RPS3: variants seen among roughly 807,000 people sequenced by gnomAD.
The protein encoded by RPS3 is small ribosomal subunit protein uS3.
RPS3 carries 2 observed loss-of-function variants against 25.8 expected under a neutral mutation model. That is an observed-to-expected ratio of 0.08 (90% CI 0.03 to 0.24). The LOEUF is 0.24. RPS3 is among the 10% of genes least tolerant of loss of function. The pLI is 1.00. For missense variants in RPS3, 107 were observed against 307.1 expected, an observed-to-expected ratio of 0.35 and a Z score of 4.87; for synonymous variants, 114 against 114.2, an observed-to-expected ratio of 1.00 and a Z score of 0.01.
chr11:75,416,462 T>TC (rs1445973633), intron 6 of RPS3, among the ~76,000 whole-genome samples: 2 of 145,978 alleles, frequency 1.4e-5, no homozygotes, highest in African/African-American at 5.0e-5. Flanking sequence ...TTATTTCTAT[T>TC]TTTTTTTTTT....
rs11236426 is a variant in RPS3, at chr11:75,422,215, C to T, written c.*492C>T. The T allele has an allele frequency of 1.2e-3, 209 of 180,932 alleles. 1 individual carries two copies. Among genetic ancestry groups the T allele is most frequent in the African/African-American group, 4.7e-3 (198 of 42,556 alleles). The allele number at this position is 180,932 out of a possible 1,614,324, so 11.2% of individuals were successfully genotyped here. On this transcript the variant is annotated 3_prime_UTR_variant, in exon 7 of 7. Transcript: ENST00000527446. Reference sequence around the variant, plus strand: ...AAACATTATTTAGGAAGCAGAGAGCCCTCATCAAACACCAGATCTGCTGGC... The same window carrying T: ...AAACATTATTTAGGAAGCAGAGAGCTCTCATCAAACACCAGATCTGCTGGC...
intron 6 of RPS3, among the ~76,000 whole-genome samples, chr11:75,416,939 TTC>T (rs1948404464): frequency 6.6e-6 from 1 of 152,200 alleles, no homozygotes; most frequent in African/African-American, 2.4e-5. Context: ...AACCAAACCA[TTC>T]TCTTTTTTTC....
intron 6 of RPS3, among the ~76,000 whole-genome samples, chr11:75,421,103 GCTAA>G (rs1565169739): frequency 6.6e-6 from 1 of 152,208 alleles, no homozygotes; most frequent in Non-Finnish European, 1.5e-5. Flanking sequence ...GCGCAGGCAG[GCTAA>G]CTGTCCCCAC....
At chr11:75,419,677 AGGTT>A (rs1948427198) in intron 6 of RPS3, among the ~76,000 whole-genome samples, 1 of 151,870 alleles carries the variant, frequency 6.6e-6, no homozygotes, top group Non-Finnish European at 1.5e-5. Flanking sequence ...TCTCTAGCCC[AGGTT>A]GGAGTATAGT....
At chr11:75,401,902 G>T in intron 3 of RPS3, 169 bp downstream of exon 3, 1 of 593,884 alleles carries the variant, frequency 1.7e-6, no homozygotes, top group Non-Finnish European at 3.0e-6. Flanking sequence ...TCTGCTAATG[G>T]CTGATGGTTA....
intron 1 of RPS3, 64 bp from the exon 2 acceptor site, chr11:75,400,630 T>C: frequency 6.3e-7 from 1 of 1,593,994 alleles, no homozygotes; most frequent in Non-Finnish European, 8.6e-7. Flanking sequence ...AAGACTAGAC[T>C]GGCTCAGGCG....
At chr11:75,416,804 G>A (rs1372435352) in intron 6 of RPS3, among the ~76,000 whole-genome samples, 1 of 152,180 alleles carries the variant, frequency 6.6e-6, no homozygotes, top group African/African-American at 2.4e-5. Flanking sequence ...GTATTTCAAA[G>A]TAGGGCCTGC....
rs1948252690 is a variant in RPS3 at position 75,404,358 on chromosome 11, C to A, written c.538+151C>A. On this transcript the variant is annotated intron_variant, in intron 5 of 6. Coordinates refer to ENST00000531188, the MANE Select transcript of RPS3 (RefSeq NM_001005.5). This position sits in a 1 kb window ranked among gnomAD's most constrained non-coding sequence, Gnocchi z 4.6. ...GATTGCCACGTTGATCTGTAAGAAT[C>A]GATTTGCTGAGATCTGTCAGATCCA... 1.2e-6 allele frequency: 1 copy of A among 839,306 alleles called. No homozygotes were observed. The highest frequency in any genetic ancestry group is 2.0e-6 in the Non-Finnish European group (1 of 495,028). The allele number at this position is 839,306 out of a possible 1,614,324, so 52.0% of individuals were successfully genotyped here. A position where few individuals can be genotyped will look rare whatever the true frequency, so the allele number is the denominator to read the frequency against.
rs754678312 is a variant in RPS3, at chr11:75,401,640, A to G, written c.162A>G (p.Arg54=). 1.3e-5 allele frequency: 21 copies of G among 1,604,356 alleles called. No individual in the cohort carries two copies. In the East Asian group the frequency reaches 3.3e-4, roughly 26 times the overall value. ...TTGAATTGTCACTTTTCCCCCCCAG[A>G]ACACAGAATGTTCTTGGTGAGAAGG... ...TRTEIIILAT[R]TQNVLGEKGR... The change falls in exon 3 of 7, where the codon AGA becomes AGG. Residue 54 remains arginine, a splice_region_variant and synonymous_variant. Coordinates refer to ENST00000531188, the MANE Select transcript of RPS3 (RefSeq NM_001005.5).
chr11:75,410,427 G>T (rs1948341433), downstream of RPS3, among the ~76,000 whole-genome samples: 4 of 151,832 alleles, frequency 2.6e-5, no homozygotes, highest in South Asian at 8.3e-4. Context: ...TTCCTAGATG[G>T]GATGGCGGCG....
intron 6 of RPS3, among the ~76,000 whole-genome samples, chr11:75,414,513 AG>A (rs1948381355): frequency 6.6e-6 from 1 of 152,134 alleles, no homozygotes; most frequent in Non-Finnish European, 1.5e-5. Flanking sequence ...AGGGAGGCTG[AG>A]GCAGGAGAAT....
intron 6 of RPS3, 50 bp from the exon 7 acceptor site, chr11:75,405,564 C>T: frequency 2.2e-6 from 1 of 453,302 alleles, no homozygotes; most frequent in South Asian, 1.6e-5. Context: ...AAATCAGGAA[C>T]TTAATAACTC....
chr11:75,419,624 TTTG>T (rs927125266), intron 6 of RPS3, among the ~76,000 whole-genome samples: 1 of 151,386 alleles, frequency 6.6e-6, no homozygotes, highest in Non-Finnish European at 1.5e-5. Flanking sequence ...TTCATTTTAT[TTTG>T]TTTTTATTTT....
At chr11:75,415,060 C>T (rs553154445) in intron 6 of RPS3, among the ~76,000 whole-genome samples, 1 of 152,316 alleles carries the variant, frequency 6.6e-6, no homozygotes, top group African/African-American at 2.4e-5. Context: ...GTCAGCCATG[C>T]TCCTCACTCT....
intron 6 of RPS3, 162 bp downstream of exon 6, chr11:75,405,030 C>G: frequency 1.9e-6 from 1 of 517,702 alleles, no homozygotes; most frequent in Non-Finnish European, 3.4e-6. Flanking sequence ...GTCTATTTAA[C>G]CCTTGGTTCC....
chr11:75,418,874 C>T (rs938013571), intron 6 of RPS3, among the ~76,000 whole-genome samples: 2 of 152,210 alleles, frequency 1.3e-5, no homozygotes, highest in Non-Finnish European at 2.9e-5. Context: ...ATGCATCCCA[C>T]CCTCACTGGC....
At position 75,406,621 on chromosome 11, in the gene RPS3, C is replaced by T. The variant is rs1224526675; in HGVS notation, c.*1011C>T. 4 of 152,140 alleles carry T rather than the reference C, an allele frequency of 2.6e-5. No individual in the cohort carries two copies. The highest frequency in any genetic ancestry group is 9.7e-5 in the African/African-American group (4 of 41,402). The allele number at this position is 152,140 out of a possible 1,614,324, so 9.4% of individuals were successfully genotyped here. Reference sequence around the variant, plus strand: ...GGCGTACACTGACAAGTATCTGACCCCCCCTTCCTTTTTGACTCATAAATT... The same window carrying T: ...GGCGTACACTGACAAGTATCTGACCTCCCCTTCCTTTTTGACTCATAAATT... On this transcript the variant is annotated 3_prime_UTR_variant, in exon 7 of 7. Transcript: ENST00000531188.
intron 4 of RPS3, chr11:75,403,277 A>G (rs1948237659): frequency 6.6e-6 from 1 of 152,242 alleles, no homozygotes. Flanking sequence ...TGGATGTGTG[A>G]CTCAGCAATC....
intron 6 of RPS3, among the ~76,000 whole-genome samples, chr11:75,414,583 C>A (rs896070161): frequency 6.6e-6 from 1 of 150,988 alleles, no homozygotes; most frequent in Non-Finnish European, 1.5e-5. Context: ...TGCACTCCAG[C>A]CTGGGCGACA....
Sources: gnomAD v4.1 joint callset for allele counts (sites outside exome capture counted in the v4.1 genomes callset) on GRCh38, gnomAD v4.1.1 for gene constraint, Gnocchi (gnomAD v3.1) non-coding constraint, MANE v1.5 for transcripts, NCBI Gene and HGNC (gene_info 2026-07-23, HGNC 2026-07-21) for gene names.